The following CFHR4 variants were observed in gnomAD, a reference collection of about 807,000 sequenced individuals.
CFHR4 encodes the protein complement factor H related 4.
A neutral mutation model predicts 69.3 loss-of-function variants in CFHR4; 64 were observed. The observed-to-expected ratio is 0.92, with a 90% CI of 0.76 to 1.14. The LOEUF (loss-of-function observed/expected upper bound fraction) is 1.14, where lower values mean the gene tolerates loss of function less well. Among genes scored for constraint, CFHR4 ranks in the 50% most tolerant of loss-of-function variants. The pLI, the probability that CFHR4 is intolerant of heterozygous loss-of-function variation, is 0.00. For synonymous variants in CFHR4, 244 were observed against 237.0 expected (o/e 1.03, Z -0.27); for missense variants, 636 against 684.9 (o/e 0.93, Z 0.80).
chr1:196,896,898 T>TTA lies in CFHR4; in HGVS notation c.59-5519_59-5518insAT, dbSNP rs1558237920. 6.7e-3 allele frequency among the ~76,000 whole-genome samples: 1,009 copies of TTA among 151,424 alleles called. 36 individuals are homozygous for TTA. Among genetic ancestry groups the TTA allele is most frequent in the African/African-American group, 0.024 (967 of 41,080 alleles). ...TAACAAGCTAATGAATTTAATCTTTTTTATTATTATTATTATACTTTAAGT... is the reference window on the plus strand; with the variant it reads ...TAACAAGCTAATGAATTTAATCTTTTTATTATTATTATTATTATACTTTAAGT... On this transcript the variant is annotated intron_variant, in intron 1 of 9. Transcript: ENST00000608469.
chr1:196,910,768 G>A lies in CFHR4; in HGVS notation c.997+290G>A, dbSNP rs74814115. Among the ~76,000 whole-genome samples the A allele has an allele frequency of 8.2e-4, 124 of 151,568 alleles. 7 individuals carry two copies. The East Asian group carries it at 0.022, about 27-fold the overall frequency. ...GACCTTTTTGTACAAACATTTAGTA[G>A]TAGCTTTAGTTTTCCTTCAGTGATA... On this transcript the variant is annotated intron_variant, in intron 6 of 9. Transcript: ENST00000608469.
At chr1:196,917,660 G>T (rs1336635986) in intron 9 of CFHR4, among the ~76,000 whole-genome samples, 1 of 150,136 alleles carries the variant, frequency 6.7e-6, no homozygotes, top group African/African-American at 2.5e-5. Context: ...ATATTGAGGT[G>T]TATGTATGTA....
At chr1:196,899,958 T>G (rs1384319778) in intron 1 of CFHR4, among the ~76,000 whole-genome samples, 1 of 151,624 alleles carries the variant, frequency 6.6e-6, no homozygotes, top group Admixed American at 6.6e-5. Flanking sequence ...AAATGCAGTA[T>G]AAATTCACAA....
At chr1:196,913,794 A>G (rs955252250) in intron 7 of CFHR4, among the ~76,000 whole-genome samples, 1 of 151,496 alleles carries the variant, frequency 6.6e-6, no homozygotes, top group African/African-American at 2.4e-5. Flanking sequence ...ATAATACAAC[A>G]TGGATGACTC....
At position 196,917,769 on chromosome 1, in the gene CFHR4, G is replaced by T. The variant is rs1416854849; in HGVS notation, c.1541-441G>T. 2.0e-5 allele frequency among the ~76,000 whole-genome samples: 3 copies of T among 151,538 alleles called. No individual in the cohort carries two copies. The East Asian group carries it at 5.8e-4, about 29-fold the overall frequency. On this transcript the variant is annotated intron_variant, in intron 9 of 9. Coordinates refer to ENST00000608469, the MANE Select transcript of CFHR4 (RefSeq NM_001201550.3). ...TTCTTTTTCTACACTGTGGGCATAA[G>T]AGAAAAATATAAACATAGAATTAAA...
chr1:196,894,036 C>T (rs1383630100), intron 1 of CFHR4, among the ~76,000 whole-genome samples: 6 of 151,432 alleles, frequency 4.0e-5, no homozygotes, highest in Admixed American at 1.3e-4. Context: ...TATTAACTCT[C>T]ATTTACACCT....
rs781682806 is a variant in CFHR4, at chr1:196,907,055, G to C, written c.616+18G>C. On this transcript the variant is annotated intron_variant, in intron 4 of 9. Transcript: ENST00000608469. ...ATGCTATAGTAAGTATTTTATTCAA[G>C]TATTTCTTTTTACTAGAATTAAACA... The C allele has an allele frequency of 3.8e-6, 6 of 1,587,560 alleles. No homozygotes were observed. In the South Asian group the frequency reaches 5.7e-5, roughly 15 times the overall value.
Position 196,910,324 on chromosome 1 carries a change from A to G in CFHR4, c.843A>G (p.Leu281=), listed in dbSNP as rs910856197. The G allele has an allele frequency of 6.2e-7, 1 of 1,610,226 alleles. No homozygotes were observed. The highest frequency in any genetic ancestry group is 8.5e-7 in the Non-Finnish European group (1 of 1,178,192). Residue 281 remains leucine (L), a synonymous_variant, in exon 6 of 10, where the codon CTA becomes CTG. Transcript: ENST00000608469. ...CEFPEIQHGH[L]YYENTRRPYF... ...TTCCAGAAATTCAACATGGACATCT[A>G]TATTATGAGAATACGCGTAGACCAT... is the stretch of plus-strand genomic sequence containing the variant.
At position 196,918,144 on chromosome 1, in the gene CFHR4, G is replaced by A. The variant is rs3795341; in HGVS notation, c.1541-66G>A. 0.16 allele frequency: 236,209 copies of A among 1,493,728 alleles called. 20,343 individuals are homozygous for A. Among genetic ancestry groups the A allele is most frequent in the Middle Eastern group, 0.23 (1,268 of 5,630 alleles). The allele number at this position is 1,493,728 out of a possible 1,614,324, so 92.5% of individuals were successfully genotyped here. A position where few individuals can be genotyped will look rare whatever the true frequency, so the allele number is the denominator to read the frequency against. On this transcript the variant is annotated intron_variant, in intron 9 of 9. Coordinates refer to ENST00000608469, the MANE Select transcript of CFHR4 (RefSeq NM_001201550.3). ...TATTTTATCCTAAACTACTCATTAG[G>A]ATGCATTTTATTTGCTCATGAAAGG...
At chr1:196,912,667 T>A in intron 6 of CFHR4, 73 bp from the exon 7 acceptor site, 1 of 1,428,404 alleles carries the variant, frequency 7.0e-7, no homozygotes, top group Non-Finnish European at 9.3e-7. Flanking sequence ...TATTGCCATG[T>A]TTTTACTTGT....
intron 1 of CFHR4, among the ~76,000 whole-genome samples, chr1:196,898,136 A>G (rs1657411068): frequency 6.6e-6 from 1 of 151,478 alleles, no homozygotes; most frequent in South Asian, 2.1e-4. Context: ...TCAGAAAAAA[A>G]AAAATGTAAT....
Position 196,914,639 on chromosome 1 carries a change from A to C in CFHR4, c.1325A>C (p.Glu442Ala). 6.2e-7 allele frequency: 1 copy of C among 1,607,344 alleles called. No individual in the cohort carries two copies. The highest frequency in any genetic ancestry group is 8.5e-7 in the Non-Finnish European group (1 of 1,177,828). Residue 442 changes from glutamate to alanine, a missense_variant, in exon 8 of 10, where the codon GAA (glutamate) becomes GCA (alanine). Coordinates refer to ENST00000608469, the MANE Select transcript of CFHR4 (RefSeq NM_001201550.3). The stretch of plus-strand genomic sequence containing the variant: ...ACCACAGGTTCCATAGTGTGTGGTG[A>C]AGATGGGTGGTCCCATTTCCCAACA... The part of the protein sequence containing the change: ...GNTTGSIVCG[E>A]DGWSHFPTCY...
At chr1:196,917,263 A>G (rs961148392) in intron 9 of CFHR4, among the ~76,000 whole-genome samples, 4 of 151,932 alleles carry the variant, frequency 2.6e-5, no homozygotes, top group African/African-American at 7.3e-5. Flanking sequence ...TGATATCATC[A>G]AAAATGAAAA....
At chr1:196,910,118 C>T (rs1658167848) in intron 5 of CFHR4, among the ~76,000 whole-genome samples, 163 bp from the exon 6 acceptor site, 1 of 142,634 alleles carries the variant, frequency 7.0e-6, no homozygotes, top group Non-Finnish European at 1.5e-5. Flanking sequence ...CACCACTGCA[C>T]TCCAGCCTGG....
chr1:196,914,682 T>A lies in CFHR4; in HGVS notation c.1357+11T>A. The A allele has an allele frequency of 6.3e-7, 1 of 1,581,692 alleles. No homozygotes were observed. Among genetic ancestry groups the A allele is most frequent in the Non-Finnish European group, 8.6e-7 (1 of 1,168,386 alleles). Reference sequence around the variant, plus strand: ...TCCCAACATGTTATAGTAAGTATTTTATTCAAGTATTTTTTATTAGAATTA... The same window carrying A: ...TCCCAACATGTTATAGTAAGTATTTAATTCAAGTATTTTTTATTAGAATTA... On this transcript the variant is annotated intron_variant, in intron 8 of 9. Transcript: ENST00000608469.
At chr1:196,916,631 A>G (rs1658649434) in intron 9 of CFHR4, among the ~76,000 whole-genome samples, 1 of 151,938 alleles carries the variant, frequency 6.6e-6, no homozygotes, top group South Asian at 2.1e-4. Context: ...TCCTCAAATC[A>G]AAATAGTTTA....
rs747986585 is a variant in CFHR4, at chr1:196,907,338, TC to T, written c.641del (p.Pro214LeufsTer39). 2.3e-5 allele frequency: 37 copies of T among 1,611,306 alleles called. No homozygotes were observed. The highest frequency in any genetic ancestry group is 3.0e-5 in the Non-Finnish European group (35 of 1,178,528). On this transcript the variant is annotated frameshift_variant, in exon 5 of 10. Transcript: ENST00000608469. LOFTEE classifies it high-confidence loss of function. ...CYNSSENCGPPPPISNGDTTS... is the reference protein window; with the variant it reads ...CYNSSENCGPXPPISNGDTTS... ...CAGATTCTTCAGAAAACTGTGGGCC[TC>T]CTCCACCTATTAGCAATGGAGATAC...
intron 7 of CFHR4, among the ~76,000 whole-genome samples, chr1:196,913,824 T>C (rs979530333): frequency 1.3e-5 from 2 of 151,304 alleles, no homozygotes; most frequent in Non-Finnish European, 2.9e-5. Context: ...CTAGGCTAAG[T>C]GAGAAAAAAG....
rs1291375951 is a variant in CFHR4 at position 196,907,484 on chromosome 1, C to A, written c.785C>A (p.Pro262Gln). The A allele has an allele frequency of 6.2e-7, 1 of 1,609,122 alleles. No homozygotes were observed. The highest frequency in any genetic ancestry group is 1.1e-5 in the South Asian group (1 of 90,780). The part of the protein sequence containing the change: ...VTCSNGDWSE[P>Q]PRCISMKPCE... The stretch of plus-strand genomic sequence containing the variant: ...TGTAGTAATGGAGACTGGTCAGAAC[C>A]ACCAAGATGCATATGTAAGTTCTTA... The change falls in exon 5 of 10, where the codon CCA (proline) becomes CAA (glutamine). Residue 262 changes from proline to glutamine, a missense_variant. Physicochemically the swap from Pro to Gln is moderately conservative, Grantham distance 76 (BLOSUM62 -1). Transcript: ENST00000608469.
Sources: allele counts gnomAD v4.1 joint callset (sites outside exome capture counted in the v4.1 genomes callset), GRCh38; gene constraint gnomAD v4.1.1; transcripts MANE v1.5; gene names NCBI Gene and HGNC (gene_info 2026-07-23, HGNC 2026-07-21).